AMMECR1L: variants seen among roughly 807,000 people sequenced by gnomAD.
The protein encoded by AMMECR1L is AMMECR1-like protein.
Under a neutral mutation model 36.8 loss-of-function variants are expected in AMMECR1L, and 4 were observed. That is an observed-to-expected ratio of 0.11 (90% CI 0.05 to 0.25). AMMECR1L has a LOEUF of 0.25. Among genes scored for constraint, AMMECR1L ranks in the 10% least tolerant of loss-of-function variants. The pLI, the probability that AMMECR1L is intolerant of heterozygous loss-of-function variation, is 1.00. For synonymous variants in AMMECR1L, 147 were observed against 148.0 expected (o/e 0.99, Z 0.05); for missense variants, 232 against 392.1 (o/e 0.59, Z 3.45).
intron 6 of AMMECR1L, chr2:127,867,424 C>T (rs13397060): frequency 0.11 from 70,972 of 669,184 alleles, 4,712 homozygotes; most frequent in African/African-American, 0.25. Context: ...TTTTTGGAGT[C>T]CTGTTTTCTA....
chr2:127,874,465 A>T lies in AMMECR1L; in HGVS notation c.-38-193T>A, dbSNP rs1447796028. Among the ~76,000 whole-genome samples the T allele has an allele frequency of 2.0e-5, 3 of 152,176 alleles. No individual in the cohort carries two copies. The highest frequency in any genetic ancestry group is 4.4e-5 in the Non-Finnish European group (3 of 68,030). ...AAAGAGAATTTTTATTTTCCATAAA[A>T]TTTCCAGATGACTACCATGGATGGA... On this transcript the variant is annotated intron_variant, in intron 2 of 7. Transcript: ENST00000272647. This position sits in a 1 kb window ranked among gnomAD's most constrained non-coding sequence, Gnocchi z 5.2.
At chr2:127,885,045 G>C in intron 1 of AMMECR1L, 1 of 512,840 alleles carries the variant, frequency 1.9e-6, no homozygotes, top group South Asian at 9.4e-5. Context: ...ATCAGGACAG[G>C]GAATGTAGGA....
At chr2:127,884,937 G>A (rs1373768345) in intron 1 of AMMECR1L, 2 of 156,204 alleles carry the variant, frequency 1.3e-5, no homozygotes, top group African/African-American at 2.4e-5. Flanking sequence ...CCTGTGGGTG[G>A]GAGAGGCCCC....
chr2:127,861,702 T>C lies in AMMECR1L; in HGVS notation c.*3392A>G, dbSNP rs762632149. 7.2e-5 allele frequency: 11 copies of C among 152,260 alleles called. No individual in the cohort carries two copies. The highest frequency in any genetic ancestry group is 1.3e-4 in the Admixed American group (2 of 15,284). 9.4% of individuals were successfully genotyped at this position (152,260 alleles called of 1,614,324 possible). On this transcript the variant is annotated 3_prime_UTR_variant, in exon 8 of 8. Coordinates refer to ENST00000272647, the MANE Select transcript of AMMECR1L (RefSeq NM_001199140.2). ...CAATGATTTGCACTCAGAAGTTATA[T>C]AGCCAAGAGGCAACCAAGTGTAATA...
At chr2:127,882,663 A>G (rs1050787673) in intron 2 of AMMECR1L, among the ~76,000 whole-genome samples, 40 of 152,120 alleles carry the variant, frequency 2.6e-4, no homozygotes, top group African/African-American at 9.4e-4. Context: ...GTACAATCAC[A>G]GCTCAATGCG....
intron 2 of AMMECR1L, among the ~76,000 whole-genome samples, chr2:127,877,455 C>T (rs915596212): frequency 6.6e-6 from 1 of 151,890 alleles, no homozygotes; most frequent in Non-Finnish European, 1.5e-5. Context: ...CCTTACTTGG[C>T]CTCCTGAGTG....
rs915927740 is a variant in AMMECR1L at position 127,864,299 on chromosome 2, T to A, written c.*795A>T. ...TCTCTCCTCTCACACCTGCGTGCAG[T>A]GATGACATCAGGACCTCCTGTGGGC... On this transcript the variant is annotated 3_prime_UTR_variant, in exon 8 of 8. Transcript: ENST00000272647. The A allele has an allele frequency of 1.3e-5, 2 of 152,708 alleles. No individual in the cohort carries two copies. Among genetic ancestry groups the A allele is most frequent in the Non-Finnish European group, 2.9e-5 (2 of 68,074 alleles). 9.5% of individuals were successfully genotyped at this position (152,708 alleles called of 1,614,324 possible). A position where few individuals can be genotyped will look rare whatever the true frequency, so the allele number is the denominator to read the frequency against.
intron 2 of AMMECR1L, among the ~76,000 whole-genome samples, chr2:127,878,780 C>T (rs1440796437): frequency 6.6e-6 from 1 of 152,198 alleles, no homozygotes; most frequent in Non-Finnish European, 1.5e-5. Context: ...CCTTTAGATC[C>T]AAGCATTTCT....
At position 127,882,502 on chromosome 2, in the gene AMMECR1L, A is replaced by G. The variant is rs180838902; in HGVS notation, c.-39+1701T>C. 7.8e-4 allele frequency among the ~76,000 whole-genome samples: 119 copies of G among 152,360 alleles called. 1 individual carries two copies. The highest frequency in any genetic ancestry group is 2.7e-3 in the African/African-American group (112 of 41,588). On this transcript the variant is annotated intron_variant, in intron 2 of 7. Transcript: ENST00000272647. ...TACATTCTGGTAACCATACCAAATA[A>G]TCATTTATTTTTGAAACCCCCATCA...
intron 2 of AMMECR1L, among the ~76,000 whole-genome samples, chr2:127,880,850 C>T (rs1691467221): frequency 6.6e-6 from 1 of 151,944 alleles, no homozygotes; most frequent in Non-Finnish European, 1.5e-5. Flanking sequence ...TTTAAGTTTG[C>T]CTGCTGACAG....
intron 1 of AMMECR1L, chr2:127,885,349 G>C (rs1691715588): frequency 1.0e-6 from 1 of 983,878 alleles, no homozygotes; most frequent in African/African-American, 1.8e-5. Context: ...GGAGACGATG[G>C]AGCGACGGGT....
rs562496000 is a variant in AMMECR1L, at chr2:127,869,785, C to T, written c.634-241G>A. Among the ~76,000 whole-genome samples, 8 of 152,222 alleles carry T rather than the reference C, an allele frequency of 5.3e-5. No homozygotes were observed. The highest frequency in any genetic ancestry group is 1.0e-4 in the Non-Finnish European group (7 of 68,044). On this transcript the variant is annotated intron_variant, in intron 5 of 7. Transcript: ENST00000272647. The surrounding 1 kb of genome is among the most constrained non-coding windows in gnomAD (Gnocchi z 4.7). ...TGAGAATATGAAGGTAGGAGAAATG[C>T]ATTCTTTAAGTAATTCATCCAGGAA...
chr2:127,885,860 T>C lies in AMMECR1L; in HGVS notation c.-199A>G, dbSNP rs903950332. 4 of 985,734 alleles carry C rather than the reference T, an allele frequency of 4.1e-6. No homozygotes were observed. The African/African-American group carries it at 7.0e-5, about 17-fold the overall frequency. 61.1% of individuals were successfully genotyped at this position (985,734 alleles called of 1,614,324 possible). A position where few individuals can be genotyped will look rare whatever the true frequency, so the allele number is the denominator to read the frequency against. On this transcript the variant is annotated 5_prime_UTR_variant, in exon 1 of 8. Coordinates refer to ENST00000272647, the MANE Select transcript of AMMECR1L (RefSeq NM_001199140.2). Reference sequence around the variant, plus strand: ...GGGGCGGACGGGACCTCTCGCGCTCTGCCTCCTCCTCTTGCTTCATGGAGC... The same window carrying C: ...GGGGCGGACGGGACCTCTCGCGCTCCGCCTCCTCCTCTTGCTTCATGGAGC...
At chr2:127,877,040 T>C (rs113206819) in intron 2 of AMMECR1L, among the ~76,000 whole-genome samples, 2 of 90,100 alleles carry the variant, frequency 2.2e-5, no homozygotes, top group African/African-American at 2.4e-4. Flanking sequence ...TATATACATA[T>C]ATATATATAT....
Position 127,865,058 on chromosome 2 carries a change from G to T in AMMECR1L, c.*36C>A. 6.7e-7 allele frequency: 1 copy of T among 1,497,506 alleles called. No homozygotes were observed. Among genetic ancestry groups the T allele is most frequent in the Non-Finnish European group, 9.3e-7 (1 of 1,078,624 alleles). The allele number at this position is 1,497,506 out of a possible 1,614,324, so 92.8% of individuals were successfully genotyped here. On this transcript the variant is annotated 3_prime_UTR_variant, in exon 8 of 8. Coordinates refer to ENST00000272647, the MANE Select transcript of AMMECR1L (RefSeq NM_001199140.2). This position sits in a 1 kb window ranked among gnomAD's most constrained non-coding sequence, Gnocchi z 5.4. ...TCCAATGATGTCATAGCCATTGGTGGCCACGGGGGGGTGGGACTGGTCATG... is the reference window on the plus strand; with the variant it reads ...TCCAATGATGTCATAGCCATTGGTGTCCACGGGGGGGTGGGACTGGTCATG...
chr2:127,882,535 A>T (rs1167173427), intron 2 of AMMECR1L, among the ~76,000 whole-genome samples: 1 of 152,190 alleles, frequency 6.6e-6, no homozygotes, highest in Non-Finnish European at 1.5e-5. Context: ...TCATACACAC[A>T]TCCAAAACAT....
chr2:127,885,613 T>C (rs1573574363), intron 1 of AMMECR1L, 197 bp downstream of exon 1: 7 of 973,038 alleles, frequency 7.2e-6, no homozygotes, highest in Non-Finnish European at 7.3e-6. Context: ...CGCTGGGACA[T>C]GGCCTGAGGC....
intron 2 of AMMECR1L, among the ~76,000 whole-genome samples, chr2:127,875,595 C>CAAGT (rs2104765526): frequency 6.6e-6 from 1 of 152,280 alleles, no homozygotes; most frequent in Admixed American, 6.5e-5. Context: ...TGTCACTTTA[C>CAAGT]GTTGAATGAT....
chr2:127,874,178 A>G lies in AMMECR1L; in HGVS notation c.57T>C (p.Cys19=). The G allele has an allele frequency of 6.2e-7, 1 of 1,614,216 alleles. No homozygotes were observed. The highest frequency in any genetic ancestry group is 1.6e-4 in the Middle Eastern group (1 of 6,062). ...PLEPKLAAGC[C]GVKKPKLSGS... is the part of the protein sequence containing the mutation. ...CAGATAATTTGGGCTTCTTGACCCC[A>G]CAACAGCCTGCTGCCAACTTGGGCT... Residue 19 remains cysteine, a synonymous_variant, in exon 3 of 8, where the codon TGT becomes TGC. Transcript: ENST00000272647. The surrounding 1 kb of genome is among the most constrained non-coding windows in gnomAD (Gnocchi z 5.2).
Sources: gnomAD v4.1 joint callset for allele counts (sites outside exome capture counted in the v4.1 genomes callset) on GRCh38, gnomAD v4.1.1 for gene constraint, Gnocchi (gnomAD v3.1) non-coding constraint, MANE v1.5 for transcripts, NCBI Gene and HGNC (gene_info 2026-07-23, HGNC 2026-07-21) for gene names.